The following AZIN2 variants were observed in gnomAD, a reference collection of about 807,000 sequenced individuals.
The protein encoded by AZIN2 is antizyme inhibitor 2.
Under a neutral mutation model 47.8 loss-of-function variants are expected in AZIN2, and 28 were observed. The observed-to-expected ratio is 0.59, with a 90% CI of 0.43 to 0.80. AZIN2 has a LOEUF of 0.80. AZIN2 is among the 30% of genes least tolerant of loss of function. The pLI, the probability that AZIN2 is intolerant of heterozygous loss-of-function variation, is 0.00. For synonymous variants in AZIN2, 221 were observed against 239.4 expected (o/e 0.92, Z 0.71); for missense variants, 535 against 582.5 (o/e 0.92, Z 0.84).
At chr1:33,166,696 A>C in the AZIN2 span, among the ~76,000 whole-genome samples, 1 of 152,178 alleles carries the variant, frequency 6.6e-6, no homozygotes, top group African/African-American at 2.4e-5. Context: ...TCTTGATGCC[A>C]GGTGACACGT....
the AZIN2 span, chr1:33,165,606 G>A: frequency 1.9e-6 from 3 of 1,538,908 alleles, no homozygotes; most frequent in Non-Finnish European, 2.6e-6. The surrounding 1 kb of genome is among the most constrained non-coding windows in gnomAD (Gnocchi z 4.0). Context: ...CAGGGGCCAT[G>A]CCTGGCCCAG....
At chr1:33,111,261 TC>T (rs959721464) in intron 10 of AZIN2, among the ~76,000 whole-genome samples, 3 of 152,254 alleles carry the variant, frequency 2.0e-5, no homozygotes, top group Non-Finnish European at 4.4e-5. Flanking sequence ...TAATGTTGCT[TC>T]TTTTTTTGAA....
At chr1:33,143,838 G>A in the AZIN2 span, among the ~76,000 whole-genome samples, 3 of 152,216 alleles carry the variant, frequency 2.0e-5, no homozygotes, top group African/African-American at 7.2e-5. Flanking sequence ...AGTAGCAAAT[G>A]GAAGAAGCTA....
chr1:33,128,440 C>T (rs962477380), downstream of AZIN2, among the ~76,000 whole-genome samples: 1 of 152,170 alleles, frequency 6.6e-6, no homozygotes, highest in Non-Finnish European at 1.5e-5. Context: ...ATGGTAACCA[C>T]AGTAACCAGG....
In AZIN2 at chr1:33,082,276, C is replaced by A. The variant is rs1020501903; in HGVS notation, c.27C>A (p.Asp9Glu). Residue 9 changes from aspartate to glutamate, a missense_variant, in exon 4 of 12, where the codon GAC (aspartate) becomes GAA (glutamate). By Grantham distance (45) the Asp-to-Glu change is conservative. Around this residue, in one of 3 missense-constraint regions of AZIN2, gnomAD observed 409 missense variants for 429.0 expected, o/e 0.95. Transcript: ENST00000294517. ...TGGCTGGCTACCTGAGTGAATCGGA[C>A]TTTGTGATGGTGGAGGAGGGCTTCA... The part of the protein sequence containing the change: MAGYLSES[D>E]FVMVEEGFST... 7 of 1,613,972 alleles carry A rather than the reference C, an allele frequency of 4.3e-6. No homozygotes were observed. In the African/African-American group the frequency reaches 5.3e-5, roughly 12 times the overall value.
the AZIN2 span, among the ~76,000 whole-genome samples, chr1:33,150,233 C>T: frequency 6.6e-6 from 1 of 152,214 alleles, no homozygotes; most frequent in Non-Finnish European, 1.5e-5. Flanking sequence ...GGACATCCAG[C>T]TCTCTGGCTC....
rs1316373246 is a variant in AZIN2 at position 33,123,206 on chromosome 1, T to G, written c.*3024T>G. The stretch of plus-strand genomic sequence containing the variant: ...CTGGATCACCCTTTAGAAAATAGCA[T>G]GTCCTAGTCTCTCTCTTTTCTCTTA... On this transcript the variant is annotated 3_prime_UTR_variant, in exon 12 of 12. Transcript: ENST00000294517. 3.9e-5 allele frequency among the ~76,000 whole-genome samples: 6 copies of G among 152,238 alleles called. No individual in the cohort carries two copies. Among genetic ancestry groups the G allele is most frequent in the Non-Finnish European group, 7.3e-5 (5 of 68,044 alleles).
chr1:33,138,043 A>G, the AZIN2 span, among the ~76,000 whole-genome samples: 2 of 152,088 alleles, frequency 1.3e-5, no homozygotes, highest in Non-Finnish European at 2.9e-5. Flanking sequence ...CTGCATAACC[A>G]TCAGTGGGGT....
At chr1:33,119,999 C>A in intron 11 of AZIN2, 45 bp from the exon 12 acceptor site, 1 of 1,611,144 alleles carries the variant, frequency 6.2e-7, no homozygotes, top group East Asian at 2.2e-5. Context: ...CAGGGCCCTG[C>A]CAGTCCCATG....
At chr1:33,147,398 G>T in the AZIN2 span, 4 of 1,614,178 alleles carry the variant, frequency 2.5e-6, no homozygotes, top group South Asian at 1.1e-5. This position sits in a 1 kb window ranked among gnomAD's most constrained non-coding sequence, Gnocchi z 8.1. Context: ...CGCGTCCAGG[G>T]CTCCGTGCAG....
chr1:33,104,340 T>C (rs1429749625), intron 10 of AZIN2, among the ~76,000 whole-genome samples: 2 of 152,238 alleles, frequency 1.3e-5, no homozygotes, highest in Non-Finnish European at 2.9e-5. Flanking sequence ...AGCTTGCATA[T>C]GCATGTGTGC....
At chr1:33,147,648 G>T in the AZIN2 span, 2 of 1,613,956 alleles carry the variant, frequency 1.2e-6, no homozygotes, top group Non-Finnish European at 1.7e-6. The surrounding 1 kb of genome is among the most constrained non-coding windows in gnomAD (Gnocchi z 8.1). Context: ...GCAAGTTGCC[G>T]TAAGCCACAA....
intron 6 of AZIN2, 126 bp from the exon 7 acceptor site, chr1:33,093,156 A>T: frequency 8.1e-7 from 1 of 1,237,706 alleles, no homozygotes; most frequent in Non-Finnish European, 1.1e-6. Context: ...AGGGAGAGGG[A>T]GGGGTCAGGG....
Position 33,094,663 on chromosome 1 carries a change from C to G in AZIN2, c.703C>G (p.Leu235Val), listed in dbSNP as rs746522863. ...ELGHKMHVLD[L>V]GGGFPGTEGA... ...GGGTCACAAGATGCACGTTCTGGAC[C>G]TTGGTGGTGGCTTCCCTGGCACAGA... The change falls in exon 8 of 12, where the codon CTT (leucine) becomes GTT (valine). Residue 235 changes from leucine to valine, a missense_variant. Coordinates refer to ENST00000294517, the MANE Select transcript of AZIN2 (RefSeq NM_052998.4). 2 of 1,614,162 alleles carry G rather than the reference C, an allele frequency of 1.2e-6. No individual in the cohort carries two copies. Among genetic ancestry groups the G allele is most frequent in the South Asian group, 2.2e-5 (2 of 91,080 alleles).
chr1:33,136,303 TC>T, the AZIN2 span, among the ~76,000 whole-genome samples: 1 of 139,476 alleles, frequency 7.2e-6, no homozygotes, highest in Non-Finnish European at 1.7e-5. Context: ...TCTTTCTTTT[TC>T]TTTCTTTCTT....
chr1:33,129,218 AAGAC>A, the AZIN2 span, among the ~76,000 whole-genome samples: 12 of 152,188 alleles, frequency 7.9e-5, no homozygotes, highest in Admixed American at 5.2e-4. This position sits in a 1 kb window ranked among gnomAD's most constrained non-coding sequence, Gnocchi z 4.1. Context: ...CTTATCAACT[AAGAC>A]AGACCCTAAG....
the AZIN2 span, chr1:33,147,174 G>A: frequency 1.2e-6 from 2 of 1,612,740 alleles, no homozygotes; most frequent in East Asian, 2.2e-5. This position sits in a 1 kb window ranked among gnomAD's most constrained non-coding sequence, Gnocchi z 8.1. Context: ...CCTTCTGCCT[G>A]GACTAGATGC....
chr1:33,083,794 C>G (rs1238253351), intron 4 of AZIN2, 160 bp from the exon 5 acceptor site: 1 of 753,846 alleles, frequency 1.3e-6, no homozygotes, highest in African/African-American at 1.7e-5. Context: ...GAGGAGTTTG[C>G]CTTCTGCCCT....
chr1:33,088,087 T>C (rs1463012201), intron 5 of AZIN2, among the ~76,000 whole-genome samples: 1 of 152,208 alleles, frequency 6.6e-6, no homozygotes, highest in Non-Finnish European at 1.5e-5. Flanking sequence ...ACCCTCCTTC[T>C]TCTCAGAAGA....
Sources: allele counts gnomAD v4.1 joint callset (sites outside exome capture counted in the v4.1 genomes callset), GRCh38; gene constraint gnomAD v4.1.1; regional missense constraint gnomAD v4.1.1; non-coding constraint Gnocchi (gnomAD v3.1); transcripts MANE v1.5; gene names NCBI Gene and HGNC (gene_info 2026-07-23, HGNC 2026-07-21).